The following ART1 variants were observed in gnomAD, a reference collection of about 807,000 sequenced individuals.
The protein encoded by ART1 is GPI-linked NAD(P)(+)--arginine ADP-ribosyltransferase 1.
ART1 carries 29 observed loss-of-function variants against 27.0 expected under a neutral mutation model. That is an observed-to-expected ratio of 1.08 (90% CI 0.80 to 1.47). ART1 has a LOEUF of 1.47. Ranked by LOEUF, ART1 falls within the 40% of genes most tolerant of loss-of-function variation. The probability of loss-of-function intolerance (pLI) is 0.00; values close to 1 mark genes in which losing one functional copy is unlikely to be tolerated. For synonymous variants in ART1, 201 were observed against 172.2 expected (o/e 1.17, Z -1.31); for missense variants, 480 against 423.0 (o/e 1.13, Z -1.18).
chr11:3,660,000 G>T lies in ART1; in HGVS notation c.481G>T (p.Ala161Ser), dbSNP rs201487637. 2.2e-5 allele frequency: 35 copies of T among 1,613,906 alleles called. No homozygotes were observed. The highest frequency in any genetic ancestry group is 1.7e-5 in the Admixed American group (1 of 60,012). Reference protein sequence around the residue: ...FKTLHFLLTEALQLLGSGQRP... With the variant: ...FKTLHFLLTESLQLLGSGQRP... ...GACACTCCATTTCCTGCTGACTGAG[G>T]CCCTGCAGCTCCTGGGCAGCGGCCA... Residue 161 changes from alanine to serine, a missense_variant, in exon 3 of 5, where the codon GCC becomes TCC. Physicochemically the swap from Ala to Ser is moderately conservative, Grantham distance 99. Coordinates refer to ENST00000250693, the MANE Select transcript of ART1 (RefSeq NM_004314.3).
chr11:3,661,327 T>C, intron 3 of ART1, 45 bp from the exon 4 acceptor site: 1 of 1,586,672 alleles, frequency 6.3e-7, no homozygotes, highest in Non-Finnish European at 8.6e-7. Flanking sequence ...CTTTCCATCC[T>C]GACAGCTCCT....
intron 1 of ART1, among the ~76,000 whole-genome samples, chr11:3,651,239 G>T (rs1216261071): frequency 2.8e-5 from 4 of 142,978 alleles, no homozygotes; most frequent in East Asian, 4.0e-4. Context: ...GCCTCTCTTT[G>T]CTTTCACTTA....
intron 1 of ART1, among the ~76,000 whole-genome samples, chr11:3,654,908 T>C (rs913269298): frequency 2.0e-5 from 3 of 152,264 alleles, no homozygotes; most frequent in African/African-American, 7.2e-5. Context: ...TTGTTTATTG[T>C]AGAGCAGATG....
Position 3,654,814 on chromosome 11 carries a change from C to G in ART1, c.-52-4348C>G, listed in dbSNP as rs539780257. Among the ~76,000 whole-genome samples the G allele has an allele frequency of 4.8e-3, 736 of 152,272 alleles. 6 individuals are homozygous for G. Among genetic ancestry groups the G allele is most frequent in the African/African-American group, 0.015 (632 of 41,502 alleles). On this transcript the variant is annotated intron_variant, in intron 1 of 4. Transcript: ENST00000250693. Reference sequence around the variant, plus strand: ...CACCTCCTACCTCTGTCTGTCCTCACTGCCATTCTCTTACTCAGGTCCACT... The same window carrying G: ...CACCTCCTACCTCTGTCTGTCCTCAGTGCCATTCTCTTACTCAGGTCCACT...
chr11:3,663,132 A>ATCTCATCTCATCTCC (rs2077635849), intron 4 of ART1, among the ~76,000 whole-genome samples: 1 of 143,378 alleles, frequency 7.0e-6, no homozygotes, highest in Non-Finnish European at 1.5e-5. Context: ...ATCTCATCTC[A>ATCTCATCTCATCTCC]TCTCATCTCA....
At chr11:3,652,235 C>G (rs147626354) in intron 1 of ART1, among the ~76,000 whole-genome samples, 13,655 of 147,146 alleles carry the variant, frequency 0.093, 1,701 homozygotes, top group African/African-American at 0.29. Flanking sequence ...TGGATAGGTA[C>G]AGGCCTTTCC....
chr11:3,657,456 T>G (rs2077583871), intron 1 of ART1, among the ~76,000 whole-genome samples: 1 of 152,098 alleles, frequency 6.6e-6, no homozygotes, highest in Non-Finnish European at 1.5e-5. Flanking sequence ...GTGCCTGTAC[T>G]CCCAGCTACT....
intron 4 of ART1, among the ~76,000 whole-genome samples, chr11:3,663,117 A>ATCTCATCTCC (rs2077635327): frequency 7.2e-6 from 1 of 139,526 alleles, no homozygotes; most frequent in Non-Finnish European, 1.5e-5. Flanking sequence ...ATCTCATCTC[A>ATCTCATCTCC]TCTCATCTCA....
intron 1 of ART1, among the ~76,000 whole-genome samples, chr11:3,654,832 G>C (rs12293905): frequency 5.3e-5 from 8 of 152,298 alleles, no homozygotes; most frequent in Non-Finnish European, 1.0e-4. Context: ...CTCTTACTCA[G>C]GTCCACTAAT....
chr11:3,655,263 A>G (rs571932159), intron 1 of ART1, among the ~76,000 whole-genome samples: 1 of 152,316 alleles, frequency 6.6e-6, no homozygotes, highest in South Asian at 2.1e-4. Flanking sequence ...AGACAAGTAC[A>G]TGGGTGCAGT....
Position 3,659,287 on chromosome 11 carries a change from C to A in ART1, c.63+11C>A. On this transcript the variant is annotated intron_variant, in intron 2 of 4. Transcript: ENST00000250693. ...ATGGAAGCACTTCAGGTATGGGCAT[C>A]CCCCACTGTTCCCACCCCAGCAGGG... 1.2e-6 allele frequency: 2 copies of A among 1,614,076 alleles called. No homozygotes were observed. The highest frequency in any genetic ancestry group is 1.7e-6 in the Non-Finnish European group (2 of 1,180,006).
intron 1 of ART1, among the ~76,000 whole-genome samples, chr11:3,647,391 T>A (rs2133945172): frequency 6.7e-6 from 1 of 149,978 alleles, no homozygotes; most frequent in East Asian, 2.0e-4. Context: ...ATCCCAGCAC[T>A]TTGAAAGGCC....
At chr11:3,655,348 C>T (rs1012059327) in intron 1 of ART1, among the ~76,000 whole-genome samples, 3 of 152,126 alleles carry the variant, frequency 2.0e-5, no homozygotes, top group African/African-American at 7.2e-5. Flanking sequence ...AGAAAAGCAG[C>T]CAATTAAAAG....
intron 1 of ART1, among the ~76,000 whole-genome samples, chr11:3,657,486 G>A (rs1459773718): frequency 2.0e-5 from 3 of 152,116 alleles, no homozygotes; most frequent in Non-Finnish European, 4.4e-5. Flanking sequence ...GAGGCAGGAG[G>A]ATCGATTGAG....
intron 1 of ART1, among the ~76,000 whole-genome samples, chr11:3,653,875 T>A: frequency 4.1e-5 from 1 of 24,398 alleles, no homozygotes; most frequent in South Asian, 2.0e-3. Flanking sequence ...CTCACTGCCA[T>A]TCTCCCATCA....
In ART1 at chr11:3,664,176, C is replaced by T. The variant is rs895173248; in HGVS notation, c.971C>T (p.Pro324Leu). ...GTGGTGAGGGCCTTTCCAGATGGTC[C>T]AGGCCTCCTTTGATGCATGAGACAC... ...FLVVRAFPDG[P>L]GLL Residue 324 changes from proline to leucine, a missense_variant, in exon 5 of 5, where the codon CCA becomes CTA. Coordinates refer to ENST00000250693, the MANE Select transcript of ART1 (RefSeq NM_004314.3). 6.2e-7 allele frequency: 1 copy of T among 1,613,892 alleles called. No individual in the cohort carries two copies. The highest frequency in any genetic ancestry group is 8.5e-7 in the Non-Finnish European group (1 of 1,179,996).
At chr11:3,653,393 C>T (rs1361761067) in intron 1 of ART1, among the ~76,000 whole-genome samples, 2 of 148,286 alleles carry the variant, frequency 1.3e-5, no homozygotes, top group Admixed American at 6.6e-5. Context: ...ATTCCTTCTC[C>T]TGGCTCATCC....
chr11:3,646,080 G>A (rs1302277529), intron 1 of ART1, among the ~76,000 whole-genome samples: 1 of 151,682 alleles, frequency 6.6e-6, no homozygotes, highest in Non-Finnish European at 1.5e-5. Flanking sequence ...TTTTCTAGAT[G>A]TGTTTGTATC....
chr11:3,651,302 C>G (rs2077520043), intron 1 of ART1, among the ~76,000 whole-genome samples: 1 of 150,908 alleles, frequency 6.6e-6, no homozygotes, highest in Non-Finnish European at 1.5e-5. Flanking sequence ...TGTACTGCCG[C>G]AAGGCTTCAC....
Sources: allele counts gnomAD v4.1 joint callset (sites outside exome capture counted in the v4.1 genomes callset), GRCh38; gene constraint gnomAD v4.1.1; transcripts MANE v1.5; gene names NCBI Gene and HGNC (gene_info 2026-07-23, HGNC 2026-07-21).